The following LRRFIP2 variants were observed in gnomAD, a reference collection of about 807,000 sequenced individuals.
LRRFIP2 encodes the protein LRR binding FLII interacting protein 2.
Under a neutral mutation model 125.9 loss-of-function variants are expected in LRRFIP2, and 109 were observed. The observed-to-expected ratio is 0.87, with a 90% CI of 0.74 to 1.01. The LOEUF is 1.01. Ranked by LOEUF, LRRFIP2 falls within the 50% of genes least tolerant of loss-of-function variation. The pLI, the probability that LRRFIP2 is intolerant of heterozygous loss-of-function variation, is 0.00. For missense variants in LRRFIP2, 850 were observed against 862.3 expected (o/e 0.99, Z 0.18); for synonymous variants, 291 against 293.1 (o/e 0.99, Z 0.07).
chr3:37,141,243 G>A (rs1423093337), intron 2 of LRRFIP2, among the ~76,000 whole-genome samples: 1 of 152,200 alleles, frequency 6.6e-6, no homozygotes, highest in African/African-American at 2.4e-5. Flanking sequence ...CAATTATACT[G>A]TAATTCAAAT....
chr3:37,077,872 T>C (rs1009529946), intron 19 of LRRFIP2, among the ~76,000 whole-genome samples: 1 of 152,174 alleles, frequency 6.6e-6, no homozygotes, highest in Admixed American at 6.5e-5. Context: ...CTTAGGACAT[T>C]ATGCTAAATG....
chr3:37,175,097 CAAAAT>C (rs2096639932), upstream of LRRFIP2: 1 of 152,212 alleles, frequency 6.6e-6, no homozygotes, highest in African/African-American at 2.4e-5. Context: ...GATTTATCCT[CAAAAT>C]AAAATGTTAT....
intron 17 of LRRFIP2, among the ~76,000 whole-genome samples, chr3:37,092,678 T>C (rs767133414): frequency 6.6e-6 from 1 of 152,306 alleles, no homozygotes; most frequent in South Asian, 2.1e-4. Flanking sequence ...GTCTGGTACA[T>C]AGTAAGAGCT....
intron 4 of LRRFIP2, among the ~76,000 whole-genome samples, chr3:37,124,837 T>C (rs2095213766): frequency 6.6e-6 from 1 of 152,184 alleles, no homozygotes; most frequent in South Asian, 2.1e-4. Flanking sequence ...GCCAGGTATT[T>C]CTAGAGCACT....
In LRRFIP2 at chr3:37,109,666, T is replaced by C. The variant is rs36068826; in HGVS notation, c.551A>G (p.Tyr184Cys). 0.028 allele frequency: 44,942 copies of C among 1,613,872 alleles called. 747 individuals are homozygous for C. The highest frequency in any genetic ancestry group is 0.033 in the Non-Finnish European group (38,824 of 1,179,764). Residue 184 changes from tyrosine to cysteine, a missense_variant, in exon 10 of 28, where the codon TAT becomes TGT. Tyr to Cys is a radical substitution (Grantham distance 194, BLOSUM62 -2). Transcript: ENST00000336686. The stretch of plus-strand genomic sequence containing the variant: ...GAAAGTACTAACCCTGTCACTCTTA[T>C]ATGTTGCCAGAGGGTCACTGTACAG... Reference protein sequence around the residue: ...SSLYSDPLATYKSDRASPTAN... With the variant: ...SSLYSDPLATCKSDRASPTAN...
At chr3:37,066,136 T>G in intron 22 of LRRFIP2, 88 bp downstream of exon 22, 1 of 1,380,100 alleles carries the variant, frequency 7.2e-7, no homozygotes, top group Non-Finnish European at 1.0e-6. Context: ...TAGTTTGTAT[T>G]TAGGCTAGGA....
chr3:37,104,289 C>T (rs2094209614), intron 14 of LRRFIP2, among the ~76,000 whole-genome samples: 1 of 152,134 alleles, frequency 6.6e-6, no homozygotes, highest in Non-Finnish European at 1.5e-5. Flanking sequence ...CTGCCATTTA[C>T]ACACTAACAG....
At chr3:37,144,134 GA>G (rs1439663912) in intron 2 of LRRFIP2, among the ~76,000 whole-genome samples, 2 of 152,226 alleles carry the variant, frequency 1.3e-5, no homozygotes, top group Non-Finnish European at 2.9e-5. Context: ...GTGGTGGTGA[GA>G]CACGGCCCCT....
chr3:37,113,611 G>A (rs1271243440), intron 7 of LRRFIP2, among the ~76,000 whole-genome samples: 2 of 152,072 alleles, frequency 1.3e-5, no homozygotes, highest in Non-Finnish European at 2.9e-5. Context: ...TAAGGGTATA[G>A]GTAACAAGAT....
At chr3:37,150,617 G>A (rs190120377) in intron 1 of LRRFIP2, among the ~76,000 whole-genome samples, 197 of 152,208 alleles carry the variant, frequency 1.3e-3, no homozygotes, top group Admixed American at 5.3e-3. Flanking sequence ...TGAGATTAAA[G>A]ATTACCATGA....
chr3:37,066,462 A>T lies in LRRFIP2; in HGVS notation c.1465-137T>A, dbSNP rs537015148. 1.4e-5 allele frequency: 10 copies of T among 696,718 alleles called. No individual in the cohort carries two copies. In the East Asian group the frequency reaches 1.9e-4, roughly 13 times the overall value. The allele number at this position is 696,718 out of a possible 1,614,324, so 43.2% of individuals were successfully genotyped here. ...AAAGCAGTCAAAAGATTGGAAACAA[A>T]CAGTCAGATATGGGAGGAAATACAG... On this transcript the variant is annotated intron_variant, in intron 21 of 27. Coordinates refer to ENST00000336686, the MANE Select transcript of LRRFIP2 (RefSeq NM_006309.4).
At chr3:37,096,828 G>C (rs1472612203) in intron 15 of LRRFIP2, among the ~76,000 whole-genome samples, 168 bp from the exon 16 acceptor site, 2 of 151,982 alleles carry the variant, frequency 1.3e-5, no homozygotes, top group Non-Finnish European at 2.9e-5. Flanking sequence ...TAAAATGTCA[G>C]CAACTTTAAT....
intron 24 of LRRFIP2, among the ~76,000 whole-genome samples, chr3:37,061,291 C>G (rs2088624266): frequency 6.6e-6 from 1 of 152,208 alleles, no homozygotes; most frequent in Admixed American, 6.5e-5. Context: ...CCAGCCTGGC[C>G]TGAGGCCTCA....
At chr3:37,072,009 C>A (rs570530732) in intron 21 of LRRFIP2, among the ~76,000 whole-genome samples, 26 of 152,116 alleles carry the variant, frequency 1.7e-4, no homozygotes, top group Non-Finnish European at 2.9e-4. Context: ...GACAGCCACC[C>A]TAGAAAGTCT....
intron 18 of LRRFIP2, among the ~76,000 whole-genome samples, chr3:37,090,629 G>A (rs550282619): frequency 1.3e-5 from 2 of 152,272 alleles, no homozygotes; most frequent in Admixed American, 1.3e-4. Context: ...TGACATGTGA[G>A]GAAAAGAAGA....
At chr3:37,109,871 G>A (rs923350976) in intron 9 of LRRFIP2, among the ~76,000 whole-genome samples, 168 bp from the exon 10 acceptor site, 3 of 152,180 alleles carry the variant, frequency 2.0e-5, no homozygotes, top group Admixed American at 6.5e-5. Context: ...AAAAACTTAA[G>A]TAATTAGAAA....
chr3:37,072,794 A>AT lies in LRRFIP2; in HGVS notation c.1459dup (p.Ile487AsnfsTer15), dbSNP rs762220480. On this transcript the variant is annotated frameshift_variant, in exon 21 of 28. Transcript: ENST00000336686. LOFTEE classifies it high-confidence loss of function. The stretch of plus-strand genomic sequence containing the variant: ...AAGCCCAATTTCATTTCATACCCCA[A>AT]TTTTTTTATCTTTCCAAAGAAGTGT... 21 of 1,608,220 alleles carry AT rather than the reference A, an allele frequency of 1.3e-5. No homozygotes were observed. Among genetic ancestry groups the AT allele is most frequent in the South Asian group, 8.8e-5 (8 of 90,744 alleles).
At chr3:37,116,326 G>A (rs2094784100) in intron 6 of LRRFIP2, among the ~76,000 whole-genome samples, 1 of 151,670 alleles carries the variant, frequency 6.6e-6, no homozygotes, top group Non-Finnish European at 1.5e-5. Context: ...TTTAGGAGAT[G>A]GGGTCTTGCT....
At chr3:37,157,604 T>C (rs1193140471) in intron 1 of LRRFIP2, among the ~76,000 whole-genome samples, 1 of 151,982 alleles carries the variant, frequency 6.6e-6, no homozygotes, top group African/African-American at 2.4e-5. Context: ...AAGACATCAA[T>C]CCTGCAAATA....
Sources: gnomAD v4.1 joint callset for allele counts (sites outside exome capture counted in the v4.1 genomes callset) on GRCh38, gnomAD v4.1.1 for gene constraint, MANE v1.5 for transcripts, NCBI Gene and HGNC (gene_info 2026-07-23, HGNC 2026-07-21) for gene names.